The following SNTB2 variants were observed in gnomAD, a reference collection of about 807,000 sequenced individuals.
The protein encoded by SNTB2 is syntrophin beta 2.
SNTB2 carries 34 observed loss-of-function variants against 46.2 expected under a neutral mutation model. The ratio of observed to expected loss-of-function variants is 0.74; its 90% CI spans 0.56 to 0.98. The LOEUF (loss-of-function observed/expected upper bound fraction) is 0.98, where lower values mean the gene tolerates loss of function less well. SNTB2 is among the 50% of genes least tolerant of loss of function. The probability of loss-of-function intolerance (pLI) is 0.00; values close to 1 mark genes in which losing one functional copy is unlikely to be tolerated. For synonymous variants in SNTB2, 290 were observed against 312.6 expected (o/e 0.93, Z 0.76); for missense variants, 603 against 731.4 (o/e 0.82, Z 2.02).
intron 2 of SNTB2, among the ~76,000 whole-genome samples, chr16:69,257,863 G>T (rs1032097059): frequency 2.0e-5 from 3 of 152,222 alleles, no homozygotes; most frequent in African/African-American, 4.8e-5. Flanking sequence ...GAAGTAGCTA[G>T]ATGATCTACT....
intron 1 of SNTB2, among the ~76,000 whole-genome samples, chr16:69,221,968 A>G (rs528731710): frequency 9.0e-4 from 137 of 152,334 alleles, no homozygotes; most frequent in African/African-American, 2.8e-3. Flanking sequence ...TGGTTGCAAA[A>G]TAGCACAAAG....
At chr16:69,196,777 G>T (rs1332829167) in intron 1 of SNTB2, among the ~76,000 whole-genome samples, 1 of 152,170 alleles carries the variant, frequency 6.6e-6, no homozygotes, top group Non-Finnish European at 1.5e-5. Flanking sequence ...CAAGGTTATA[G>T]AATTTGTAGG....
chr16:69,280,798 C>T (rs1291949188), intron 4 of SNTB2, among the ~76,000 whole-genome samples: 2 of 146,588 alleles, frequency 1.4e-5, no homozygotes, highest in Non-Finnish European at 3.1e-5. Context: ...TCTTTTCATT[C>T]TCTCTTTTTT....
chr16:69,288,556 G>A (rs1965128617), intron 5 of SNTB2, among the ~76,000 whole-genome samples: 1 of 152,172 alleles, frequency 6.6e-6, no homozygotes, highest in Non-Finnish European at 1.5e-5. Context: ...TGGTGAGGAT[G>A]CAGAGAAAAG....
At chr16:69,203,894 T>G (rs1294475775) in intron 1 of SNTB2, among the ~76,000 whole-genome samples, 1 of 150,882 alleles carries the variant, frequency 6.6e-6, no homozygotes, top group African/African-American at 2.4e-5. Context: ...AGCCTCCCAA[T>G]TATTATTATT....
chr16:69,299,661 A>G lies in SNTB2; in HGVS notation c.1417A>G (p.Asn473Asp), dbSNP rs770846763. The G allele has an allele frequency of 2.5e-6, 4 of 1,614,128 alleles. No individual in the cohort carries two copies. The Admixed American group carries it at 6.7e-5, about 27-fold the overall frequency. Residue 473 changes from asparagine to aspartate, a missense_variant, in exon 6 of 7, where the codon AAT (asparagine) becomes GAT (aspartate). Physicochemically the swap from Asn to Asp is conservative, Grantham distance 23. Around this residue, in one of 2 missense-constraint regions of SNTB2, gnomAD observed 537 missense variants for 692.4 expected, o/e 0.78. Transcript: ENST00000336278. Reference sequence around the variant, plus strand: ...AAATGGGTTCACCATCTCAAGGGAAAATGGAGGCTCCAGCAGCATATTGTA... The same window carrying G: ...AAATGGGTTCACCATCTCAAGGGAAGATGGAGGCTCCAGCAGCATATTGTA... Reference protein sequence around the residue: ...YENGFTISRENGGSSSILYRY... With the variant: ...YENGFTISREDGGSSSILYRY...
chr16:69,191,709 C>A (rs1354705955), intron 1 of SNTB2, among the ~76,000 whole-genome samples: 2 of 151,864 alleles, frequency 1.3e-5, no homozygotes, highest in African/African-American at 2.4e-5. Flanking sequence ...GGTGCGATCT[C>A]AGCTCACTGC....
At chr16:69,260,349 G>C (rs1203086110) in intron 3 of SNTB2, 89 bp downstream of exon 3, 1 of 1,205,590 alleles carries the variant, frequency 8.3e-7, no homozygotes, top group East Asian at 2.5e-5. Context: ...TACTTACCAT[G>C]CAGTTAGGAC....
At chr16:69,260,600 C>T (rs1964825430) in intron 3 of SNTB2, among the ~76,000 whole-genome samples, 1 of 152,156 alleles carries the variant, frequency 6.6e-6, no homozygotes, top group Non-Finnish European at 1.5e-5. Context: ...GGCAAGATAG[C>T]GTCACGGCTA....
chr16:69,263,535 C>T (rs1236379276), intron 3 of SNTB2, among the ~76,000 whole-genome samples: 1 of 151,842 alleles, frequency 6.6e-6, no homozygotes, highest in Non-Finnish European at 1.5e-5. Flanking sequence ...TCTCATGCCT[C>T]AGCCTCTTAA....
At position 69,187,556 on chromosome 16, in the gene SNTB2, C is replaced by T. The variant is rs772523979; in HGVS notation, c.390C>T (p.Ile130=). ...AGGCGGGCGGCCTGGGCATCAGCAT[C>T]AAGGGCGGCCGCGAGAACCGGATGC... ...KQEAGGLGIS[I]KGGRENRMPI... The change falls in exon 1 of 7, where the codon ATC becomes ATT. Residue 130 remains isoleucine (I), a synonymous_variant. Coordinates refer to ENST00000336278, the MANE Select transcript of SNTB2 (RefSeq NM_006750.4). The T allele has an allele frequency of 3.1e-5, 46 of 1,493,228 alleles. No homozygotes were observed. In the East Asian group the frequency reaches 8.9e-4, roughly 29 times the overall value. The allele number at this position is 1,493,228 out of a possible 1,614,324, so 92.5% of individuals were successfully genotyped here. A position where few individuals can be genotyped will look rare whatever the true frequency, so the allele number is the denominator to read the frequency against.
intron 1 of SNTB2, among the ~76,000 whole-genome samples, chr16:69,201,315 C>T (rs1331174254): frequency 3.3e-5 from 5 of 152,108 alleles, no homozygotes; most frequent in African/African-American, 1.2e-4. Flanking sequence ...AGAGAATGCA[C>T]TAAGCCAAAA....
chr16:69,276,942 C>T (rs1964990111), intron 4 of SNTB2, among the ~76,000 whole-genome samples: 1 of 152,112 alleles, frequency 6.6e-6, no homozygotes, highest in African/African-American at 2.4e-5. Context: ...AATCTTGACC[C>T]TTGAGTATTC....
intron 5 of SNTB2, among the ~76,000 whole-genome samples, chr16:69,297,165 G>A (rs189404115): frequency 2.7e-4 from 40 of 150,938 alleles, no homozygotes; most frequent in African/African-American, 9.5e-4. Flanking sequence ...AAATTAGCTG[G>A]GTGTGGTGGT....
chr16:69,216,346 T>C (rs1964347169), intron 1 of SNTB2, among the ~76,000 whole-genome samples: 1 of 152,126 alleles, frequency 6.6e-6, no homozygotes, highest in Non-Finnish European at 1.5e-5. Context: ...TTAATCTTCA[T>C]AATAATTCCC....
At chr16:69,187,799 G>T in intron 1 of SNTB2, 53 bp downstream of exon 1, 1 of 1,333,252 alleles carries the variant, frequency 7.5e-7, no homozygotes, top group South Asian at 1.7e-5. Context: ...TGGGCTCGCG[G>T]GAGCTCACTT....
intron 2 of SNTB2, among the ~76,000 whole-genome samples, chr16:69,255,973 G>C (rs558849646): frequency 6.6e-6 from 1 of 151,926 alleles, no homozygotes; most frequent in South Asian, 2.1e-4. Context: ...GGATCATGAG[G>C]TCAGGAGTTC....
intron 1 of SNTB2, chr16:69,235,817 A>C: frequency 7.8e-7 from 1 of 1,289,320 alleles, no homozygotes; most frequent in Non-Finnish European, 1.0e-6. Flanking sequence ...AGTTTCTTCA[A>C]ATATCCTGGA....
chr16:69,199,595 C>CAAAAAA (rs60011703), intron 1 of SNTB2, among the ~76,000 whole-genome samples: 14 of 76,878 alleles, frequency 1.8e-4, no homozygotes, highest in South Asian at 7.9e-4. Flanking sequence ...AACACTGCCT[C>CAAAAAA]AAAAAAAAAA....
Sources: allele counts gnomAD v4.1 joint callset (sites outside exome capture counted in the v4.1 genomes callset), GRCh38; gene constraint gnomAD v4.1.1; regional missense constraint gnomAD v4.1.1; transcripts MANE v1.5; gene names NCBI Gene and HGNC (gene_info 2026-07-23, HGNC 2026-07-21).